Variants in FCHO2 observed in about 807,000 individuals in gnomAD.
FCHO2 encodes the protein F-BAR domain only protein 2.
A neutral mutation model predicts 114.1 loss-of-function variants in FCHO2; 43 were observed. That is an observed-to-expected ratio of 0.38 (90% CI 0.30 to 0.49). The LOEUF (loss-of-function observed/expected upper bound fraction) is 0.49, where lower values mean the gene tolerates loss of function less well. Ranked by LOEUF, FCHO2 falls within the 20% of genes least tolerant of loss-of-function variation. The pLI is 0.97. For missense variants in FCHO2, 807 were observed against 950.4 expected (o/e 0.85, Z 1.98); for synonymous variants, 293 against 315.2 (o/e 0.93, Z 0.75).
At chr5:73,005,013 C>T (rs1754641874) in intron 5 of FCHO2, among the ~76,000 whole-genome samples, 2 of 152,100 alleles carry the variant, frequency 1.3e-5, no homozygotes, top group South Asian at 2.1e-4. Context: ...GTAGTGTAAA[C>T]GGTAGAGCCA....
intron 22 of FCHO2, among the ~76,000 whole-genome samples, chr5:73,080,858 C>T (rs1407871199): frequency 6.6e-6 from 1 of 152,112 alleles, no homozygotes; most frequent in Non-Finnish European, 1.5e-5. Flanking sequence ...GGTCTATAAT[C>T]CCAGTACTTT....
At chr5:72,982,022 AC>A (rs1753239176) in intron 2 of FCHO2, among the ~76,000 whole-genome samples, 1 of 151,810 alleles carries the variant, frequency 6.6e-6, no homozygotes, top group Non-Finnish European at 1.5e-5. Context: ...TGTGCTTGAA[AC>A]CCAGGGCCCT....
chr5:73,052,829 G>A (rs1237748692), intron 13 of FCHO2: 1 of 188,496 alleles, frequency 5.3e-6, no homozygotes, highest in Non-Finnish European at 1.1e-5. Context: ...TATGTTTTGT[G>A]AGCCTTATGT....
Position 73,058,460 on chromosome 5 carries a change from G to T in FCHO2, c.1281G>T (p.Trp427Cys). The change falls in exon 17 of 26, where the codon TGG (tryptophan) becomes TGT (cysteine). Residue 427 changes from tryptophan to cysteine, a missense_variant. Trp to Cys is a radical substitution (Grantham distance 215). Coordinates refer to ENST00000430046, the MANE Select transcript of FCHO2 (RefSeq NM_138782.3). ...NEKGTSDLLA[W>C]DPLFGPSLDS... ...AAGGAACCAGTGATTTACTTGCTTG[G>T]GACCCCCTATTTGGACCATCTCTTG... The T allele has an allele frequency of 6.4e-7, 1 of 1,570,678 alleles. No homozygotes were observed. Among genetic ancestry groups the T allele is most frequent in the East Asian group, 2.3e-5 (1 of 43,348 alleles).
At chr5:73,009,012 G>A (rs1469000699) in intron 6 of FCHO2, among the ~76,000 whole-genome samples, 3 of 152,208 alleles carry the variant, frequency 2.0e-5, no homozygotes, top group African/African-American at 7.2e-5. Flanking sequence ...TTTAGAGTGT[G>A]GGGAAGAAAG....
chr5:73,081,890 T>A lies in FCHO2; in HGVS notation c.2088T>A (p.Ala696=). Residue 696 remains alanine (A), a synonymous_variant, in exon 23 of 26, where the codon GCT becomes GCA. Transcript: ENST00000430046. ...LRVDYKYNPE[A]MVAPSVLSNI... is the part of the protein sequence containing the mutation. ...TGGATTATAAATACAATCCAGAAGC[T>A]ATGGTGGCACCTAGTGTGCTTTCCA... The A allele has an allele frequency of 6.2e-7, 1 of 1,612,778 alleles. No homozygotes were observed. Among genetic ancestry groups the A allele is most frequent in the Non-Finnish European group, 8.5e-7 (1 of 1,179,312 alleles).
At position 73,058,430 on chromosome 5, in the gene FCHO2, T is replaced by A. The variant is rs1417445238; in HGVS notation, c.1254-3T>A. 1 of 1,540,726 alleles carries A rather than the reference T, an allele frequency of 6.5e-7. No individual in the cohort carries two copies. The highest frequency in any genetic ancestry group is 2.4e-5 in the East Asian group (1 of 42,218). On this transcript the variant is annotated splice_region_variant and splice_polypyrimidine_tract_variant and intron_variant, in intron 16 of 25. Coordinates refer to ENST00000430046, the MANE Select transcript of FCHO2 (RefSeq NM_138782.3). ...ATTTTTGCTTTTAAAAATATTATGG[T>A]AGAAAAGGAACCAGTGATTTACTTG... is the stretch of plus-strand genomic sequence containing the variant.
intron 2 of FCHO2, among the ~76,000 whole-genome samples, chr5:72,985,225 A>C (rs1305604103): frequency 1.3e-5 from 2 of 151,452 alleles, no homozygotes; most frequent in Non-Finnish European, 2.9e-5. Context: ...CAGTGGCATG[A>C]TCTTGACTCA....
At chr5:72,968,631 A>C in intron 2 of FCHO2, 42 bp downstream of exon 2, 1 of 1,332,944 alleles carries the variant, frequency 7.5e-7, no homozygotes, top group Non-Finnish European at 1.0e-6. Context: ...ACAACTTAAT[A>C]GCAATTTAAA....
At chr5:73,053,644 C>T (rs1005770270) in intron 13 of FCHO2, among the ~76,000 whole-genome samples, 2 of 150,254 alleles carry the variant, frequency 1.3e-5, no homozygotes, top group Non-Finnish European at 2.9e-5. Flanking sequence ...TGAAGTGAGC[C>T]GAGATTGCAC....
chr5:73,014,293 CT>C (rs551434825), intron 6 of FCHO2, among the ~76,000 whole-genome samples: 135 of 136,852 alleles, frequency 9.9e-4, no homozygotes, highest in Non-Finnish European at 1.2e-3. Context: ...TTTTCTTTTT[CT>C]TTTTTTTTTT....
At chr5:72,968,773 A>C (rs755522437) in intron 2 of FCHO2, among the ~76,000 whole-genome samples, 184 bp downstream of exon 2, 1 of 152,180 alleles carries the variant, frequency 6.6e-6, no homozygotes, top group Admixed American at 6.5e-5. Flanking sequence ...ATAGTGGCTC[A>C]AAGTGGCTCA....
At chr5:73,066,781 C>G (rs1742360026) in intron 18 of FCHO2, among the ~76,000 whole-genome samples, 1 of 151,830 alleles carries the variant, frequency 6.6e-6, no homozygotes, top group Non-Finnish European at 1.5e-5. Context: ...AATAGTTTCT[C>G]TGGCTTCACC....
intron 19 of FCHO2, among the ~76,000 whole-genome samples, chr5:73,070,415 G>A (rs1407074030): frequency 1.3e-5 from 2 of 152,016 alleles, no homozygotes; most frequent in African/African-American, 4.8e-5. Context: ...TAATAAGTTT[G>A]CCCTTTGGTT....
intron 2 of FCHO2, among the ~76,000 whole-genome samples, chr5:72,970,185 G>T (rs1267005370): frequency 1.3e-5 from 2 of 152,116 alleles, no homozygotes; most frequent in Non-Finnish European, 2.9e-5. Context: ...CTTAAGATAG[G>T]CCTGCATATT....
chr5:73,033,390 G>A (rs983886836), intron 8 of FCHO2, among the ~76,000 whole-genome samples: 2 of 152,034 alleles, frequency 1.3e-5, no homozygotes, highest in African/African-American at 2.4e-5. Context: ...CTTAGGTTTA[G>A]GGGGAGGGAG....
Position 73,088,536 on chromosome 5 carries a change from C to G in FCHO2, c.*446C>G, listed in dbSNP as rs878954993. 1.2e-5 allele frequency: 2 copies of G among 168,312 alleles called. No homozygotes were observed. Among genetic ancestry groups the G allele is most frequent in the South Asian group, 3.1e-4 (2 of 6,508 alleles). 10.4% of individuals were successfully genotyped at this position (168,312 alleles called of 1,614,324 possible). Reference sequence around the variant, plus strand: ...AGTGGATACAAATAGAACATGAATTCTAAGTTTTGGGTAATGTTAACTCAG... The same window carrying G: ...AGTGGATACAAATAGAACATGAATTGTAAGTTTTGGGTAATGTTAACTCAG... On this transcript the variant is annotated 3_prime_UTR_variant, in exon 26 of 26. Transcript: ENST00000430046.
chr5:72,975,241 C>T (rs1038223203), intron 2 of FCHO2, among the ~76,000 whole-genome samples: 2 of 152,144 alleles, frequency 1.3e-5, no homozygotes, highest in African/African-American at 2.4e-5. Context: ...GTGGCTAGCA[C>T]AAAGCCTGGA....
chr5:73,065,175 G>C (rs1486726444), intron 18 of FCHO2, among the ~76,000 whole-genome samples: 1 of 152,002 alleles, frequency 6.6e-6, no homozygotes, highest in Non-Finnish European at 1.5e-5. Context: ...CTAGGTACAA[G>C]CTGCCAAGGA....
Sources: allele counts gnomAD v4.1 joint callset (sites outside exome capture counted in the v4.1 genomes callset), GRCh38; gene constraint gnomAD v4.1.1; transcripts MANE v1.5; gene names NCBI Gene and HGNC (gene_info 2026-07-23, HGNC 2026-07-21).